The following VTI1A variants were observed in gnomAD, a reference collection of about 807,000 sequenced individuals.
VTI1A encodes the protein vesicle transport through interaction with t-SNAREs homolog 1A.
A neutral mutation model predicts 34.9 loss-of-function variants in VTI1A; 22 were observed. The observed-to-expected ratio is 0.63, with a 90% CI of 0.45 to 0.90. VTI1A has a LOEUF of 0.90. VTI1A is among the 40% of genes least tolerant of loss of function. The pLI, the probability that VTI1A is intolerant of heterozygous loss-of-function variation, is 0.00. For synonymous variants in VTI1A, 87 were observed against 97.3 expected (o/e 0.89, Z 0.62); for missense variants, 268 against 275.6 (o/e 0.97, Z 0.20).
rs372143679 is a variant in VTI1A at position 112,564,099 on chromosome 10, A to T, written c.427+25769A>T. ...AATGAAGTATGAGTGGAAAAATTTCAATTTCACCCTGAAAATAGTTTTTTT... is the reference window on the plus strand; with the variant it reads ...AATGAAGTATGAGTGGAAAAATTTCTATTTCACCCTGAAAATAGTTTTTTT... On this transcript the variant is annotated intron_variant, in intron 5 of 7. Coordinates refer to ENST00000393077, the MANE Select transcript of VTI1A (RefSeq NM_145206.4). Among the ~76,000 whole-genome samples, 18 of 152,060 alleles carry T rather than the reference A, an allele frequency of 1.2e-4. No individual in the cohort carries two copies. In the South Asian group the frequency reaches 2.9e-3, roughly 25 times the overall value.
chr10:112,492,639 T>C (rs562039338), intron 3 of VTI1A, among the ~76,000 whole-genome samples: 1 of 151,994 alleles, frequency 6.6e-6, no homozygotes, highest in East Asian at 1.9e-4. Flanking sequence ...ATACAAAAAT[T>C]AGCTGGGCAT....
chr10:112,727,300 TC>T lies in VTI1A; in HGVS notation c.560+58303del, dbSNP rs377320152. 4.5e-3 allele frequency among the ~76,000 whole-genome samples: 691 copies of T among 152,282 alleles called. 5 individuals carry two copies. Among genetic ancestry groups the T allele is most frequent in the African/African-American group, 0.016 (675 of 41,550 alleles). ...AGCCTGTCTTTCTCCACTCTATACT[TC>T]TACAAAGTATACCTAGAACAAGGCA... On this transcript the variant is annotated intron_variant, in intron 7 of 7. Transcript: ENST00000393077.
intron 7 of VTI1A, among the ~76,000 whole-genome samples, chr10:112,706,070 C>T (rs1849187974): frequency 6.6e-6 from 1 of 152,136 alleles, no homozygotes; most frequent in South Asian, 2.1e-4. Flanking sequence ...CCGTAGCAAA[C>T]CTTTTAATAG....
At chr10:112,528,325 T>A (rs2134226330) in intron 4 of VTI1A, among the ~76,000 whole-genome samples, 1 of 152,260 alleles carries the variant, frequency 6.6e-6, no homozygotes, top group Admixed American at 6.5e-5. Context: ...GATTAAGGAC[T>A]CTACTCACCC....
chr10:112,593,780 A>G (rs1033173592), intron 5 of VTI1A, among the ~76,000 whole-genome samples: 2 of 152,012 alleles, frequency 1.3e-5, no homozygotes, highest in African/African-American at 4.8e-5. Flanking sequence ...TCTGTCACTC[A>G]GGCTGGAGTG....
rs1169292996 is a variant in VTI1A, at chr10:112,464,583, C to T, written c.190C>T (p.Pro64Ser). The change falls in exon 3 of 8, where the codon CCC becomes TCC. Residue 64 changes from proline to serine, a missense_variant. Coordinates refer to ENST00000393077, the MANE Select transcript of VTI1A (RefSeq NM_145206.4). The stretch of plus-strand genomic sequence containing the variant: ...GGATTTGGAAGTCCGAGAGATACCA[C>T]CCCAAAGTCGAGGGATGTACAGCAA... ...QMDLEVREIP[P>S]QSRGMYSNRM... 1.9e-6 allele frequency: 3 copies of T among 1,612,864 alleles called. No homozygotes were observed. Among genetic ancestry groups the T allele is most frequent in the Admixed American group, 1.7e-5 (1 of 60,004 alleles).
At chr10:112,447,531 C>G (rs999327791) in intron 1 of VTI1A, 64 bp downstream of exon 1, 18 of 1,562,288 alleles carry the variant, frequency 1.2e-5, no homozygotes, top group Non-Finnish European at 1.6e-5. Context: ...GGCGGTGGAA[C>G]GCCGCCCGAG....
intron 5 of VTI1A, among the ~76,000 whole-genome samples, chr10:112,593,409 G>A (rs1461883670): frequency 6.6e-6 from 1 of 152,166 alleles, no homozygotes; most frequent in South Asian, 2.1e-4. Flanking sequence ...CCTCAGGGAG[G>A]GCTCTGCAAA....
chr10:112,683,773 G>A (rs1023322241), intron 7 of VTI1A, among the ~76,000 whole-genome samples: 4 of 152,266 alleles, frequency 2.6e-5, no homozygotes, highest in Admixed American at 2.0e-4. Flanking sequence ...GCCAGGCACG[G>A]TGGCTTACAC....
intron 5 of VTI1A, among the ~76,000 whole-genome samples, chr10:112,539,898 T>C (rs1424262758): frequency 6.6e-6 from 1 of 152,164 alleles, no homozygotes; most frequent in Non-Finnish European, 1.5e-5. Flanking sequence ...TTATTATGAT[T>C]GAAATTTATA....
chr10:112,804,895 C>G (rs1225428316), intron 7 of VTI1A, among the ~76,000 whole-genome samples: 1 of 114,192 alleles, frequency 8.8e-6, no homozygotes, highest in Non-Finnish European at 1.6e-5. Flanking sequence ...GAGTCCTGCT[C>G]TGTCTCCCAG....
chr10:112,649,936 G>C (rs187557987), intron 5 of VTI1A, among the ~76,000 whole-genome samples: 2 of 152,324 alleles, frequency 1.3e-5, no homozygotes, highest in East Asian at 1.9e-4. Flanking sequence ...ACCAGAAGTT[G>C]CTCTGGGTGA....
intron 7 of VTI1A, among the ~76,000 whole-genome samples, chr10:112,807,713 C>T (rs1430090583): frequency 2.0e-5 from 3 of 152,006 alleles, no homozygotes; most frequent in Non-Finnish European, 4.4e-5. Flanking sequence ...ATTAGCTGGG[C>T]GTGGTGGCAC....
intron 5 of VTI1A, among the ~76,000 whole-genome samples, chr10:112,651,842 A>T (rs904344961): frequency 2.6e-5 from 4 of 152,242 alleles, no homozygotes; most frequent in Non-Finnish European, 4.4e-5. Flanking sequence ...AGTCCACTTC[A>T]TCCAAGTCTG....
chr10:112,462,978 G>T (rs887812418), intron 2 of VTI1A, among the ~76,000 whole-genome samples: 1 of 152,186 alleles, frequency 6.6e-6, no homozygotes, highest in East Asian at 1.9e-4. Context: ...AGGCTGGAGT[G>T]CAGTGGCACG....
intron 7 of VTI1A, among the ~76,000 whole-genome samples, chr10:112,723,367 G>A (rs76810985): frequency 0.012 from 1,897 of 152,278 alleles, 24 homozygotes; most frequent in South Asian, 0.041. Context: ...AGAACTTCCC[G>A]ATGAAGTGGA....
chr10:112,740,860 A>G (rs1343474170), intron 7 of VTI1A, among the ~76,000 whole-genome samples: 1 of 152,218 alleles, frequency 6.6e-6, no homozygotes, highest in Non-Finnish European at 1.5e-5. Context: ...ATGTCCACAC[A>G]AAAACTTATA....
intron 3 of VTI1A, among the ~76,000 whole-genome samples, chr10:112,469,205 T>C (rs960352788): frequency 2.6e-5 from 4 of 152,240 alleles, no homozygotes; most frequent in Non-Finnish European, 5.9e-5. Context: ...TATGTTGTTA[T>C]AAAGCCTAGA....
At chr10:112,460,786 ATCTATC>A (rs1180727968) in intron 2 of VTI1A, among the ~76,000 whole-genome samples, 54 of 152,350 alleles carry the variant, frequency 3.5e-4, no homozygotes, top group African/African-American at 1.3e-3. Context: ...TTCATTAAAT[ATCTATC>A]TCTAATTTTT....
Sources: gnomAD v4.1 joint callset for allele counts (sites outside exome capture counted in the v4.1 genomes callset) on GRCh38, gnomAD v4.1.1 for gene constraint, MANE v1.5 for transcripts, NCBI Gene and HGNC (gene_info 2026-07-23, HGNC 2026-07-21) for gene names.